The following BEND3 variants were observed in gnomAD, a reference collection of about 807,000 sequenced individuals.
The protein encoded by BEND3 is BEN domain containing 3, also known as BEN domain-containing protein 3.
In BEND3, 13 loss-of-function variants were observed where a neutral mutation model predicts 60.1. The observed-to-expected ratio is 0.22, with a 90% CI of 0.14 to 0.34. The LOEUF (loss-of-function observed/expected upper bound fraction) is 0.34, where lower values mean the gene tolerates loss of function less well. BEND3 is among the 10% of genes least tolerant of loss of function. The pLI, the probability that BEND3 is intolerant of heterozygous loss-of-function variation, is 1.00. For synonymous variants in BEND3, 497 were observed against 491.5 expected (o/e 1.01, Z -0.15); for missense variants, 896 against 1,138.1 (o/e 0.79, Z 3.06).
chr6:107,066,712 G>A lies in BEND3; in HGVS notation c.*1992C>T, dbSNP rs1774838572. 1 of 152,644 alleles carries A rather than the reference G, an allele frequency of 6.6e-6. No homozygotes were observed. The highest frequency in any genetic ancestry group is 2.4e-5 in the African/African-American group (1 of 41,432). 9.5% of individuals were successfully genotyped at this position (152,644 alleles called of 1,614,324 possible). On this transcript the variant is annotated 3_prime_UTR_variant, in exon 4 of 4. Transcript: ENST00000369042. Reference sequence around the variant, plus strand: ...TCCCGCCTCCAGCCCCCAACAACCAGCGGTGGGAAGGGGGAGGTGGTGGGA... The same window carrying A: ...TCCCGCCTCCAGCCCCCAACAACCAACGGTGGGAAGGGGGAGGTGGTGGGA...
At chr6:107,074,463 G>A (rs952109179) in intron 3 of BEND3, among the ~76,000 whole-genome samples, 15 of 152,212 alleles carry the variant, frequency 9.9e-5, no homozygotes, top group South Asian at 2.1e-4. Flanking sequence ...TTATTATTAC[G>A]TAATGCTATT....
chr6:107,082,028 T>A (rs1554233618), intron 3 of BEND3, among the ~76,000 whole-genome samples: 1 of 152,188 alleles, frequency 6.6e-6, no homozygotes. Context: ...ATAGCCACAA[T>A]ACTCCCTCCC....
intron 2 of BEND3, 75 bp downstream of exon 2, chr6:107,099,174 G>T: frequency 8.2e-7 from 1 of 1,214,472 alleles, no homozygotes; most frequent in Non-Finnish European, 1.2e-6. Context: ...GTATATTTTT[G>T]GACCATGTGA....
intron 3 of BEND3, among the ~76,000 whole-genome samples, chr6:107,075,966 T>C (rs182854010): frequency 1.3e-5 from 2 of 152,194 alleles, no homozygotes. Flanking sequence ...CCACCAAGCA[T>C]GTTAGAAACA....
intron 1 of BEND3, among the ~76,000 whole-genome samples, chr6:107,103,096 T>C (rs1554236904): frequency 6.6e-6 from 1 of 152,198 alleles, no homozygotes; most frequent in African/African-American, 2.4e-5. Context: ...TCTGCCTCCA[T>C]TAGCACTCTG....
At chr6:107,102,287 A>G (rs189774791) in intron 1 of BEND3, among the ~76,000 whole-genome samples, 180 of 152,280 alleles carry the variant, frequency 1.2e-3, no homozygotes, top group African/African-American at 4.2e-3. Flanking sequence ...CCTGCCGGGA[A>G]TGTGGCTTGG....
intron 3 of BEND3, among the ~76,000 whole-genome samples, chr6:107,076,786 A>G (rs553189287): frequency 1.7e-4 from 26 of 152,278 alleles, no homozygotes; most frequent in African/African-American, 6.0e-4. Flanking sequence ...AGTCGCATGA[A>G]TGATGCTTAT....
intron 3 of BEND3, among the ~76,000 whole-genome samples, chr6:107,072,375 G>A (rs1216844562): frequency 1.3e-5 from 2 of 152,216 alleles, no homozygotes; most frequent in Non-Finnish European, 2.9e-5. Flanking sequence ...CCTGGGTGCT[G>A]TGGCTGCTGT....
At position 107,115,383 on chromosome 6, in the gene BEND3, G is replaced by C. The variant is rs1329102287; in HGVS notation, c.-305C>G. ...CCACAACCCCTCCGCCCCCACCCCCGGCCCGCCCCTCCCCCTCAGCGGGGC... is the reference window on the plus strand; with the variant it reads ...CCACAACCCCTCCGCCCCCACCCCCCGCCCGCCCCTCCCCCTCAGCGGGGC... On this transcript the variant is annotated 5_prime_UTR_variant, in exon 1 of 4. Coordinates refer to ENST00000369042, the MANE Select transcript of BEND3 (RefSeq NM_001367314.1). 1 of 148,670 alleles carries C rather than the reference G, an allele frequency of 6.7e-6. No individual in the cohort carries two copies. Among genetic ancestry groups the C allele is most frequent in the Non-Finnish European group, 1.5e-5 (1 of 66,650 alleles). 9.2% of individuals were successfully genotyped at this position (148,670 alleles called of 1,614,324 possible).
chr6:107,085,510 G>T (rs553770518), intron 3 of BEND3, among the ~76,000 whole-genome samples: 30 of 148,816 alleles, frequency 2.0e-4, no homozygotes, highest in African/African-American at 6.4e-4. Context: ...ATTTTTTTTT[G>T]AGAGAGAGTC....
intron 3 of BEND3, among the ~76,000 whole-genome samples, chr6:107,084,915 C>T (rs756279469): frequency 6.6e-6 from 1 of 152,236 alleles, no homozygotes; most frequent in African/African-American, 2.4e-5. Flanking sequence ...CCCAAGCCAG[C>T]AGTGGCAACC....
intron 3 of BEND3, among the ~76,000 whole-genome samples, chr6:107,073,856 AGCCTGGGCAACAGAG>A (rs1413938038): frequency 3.9e-5 from 6 of 151,978 alleles, no homozygotes; most frequent in Non-Finnish European, 1.5e-5. Context: ...ACTGCACTCC[AGCCTGGGCAACAGAG>A]CAAGACCCTG....
rs782165754 is a variant in BEND3, at chr6:107,068,681, A to G, written c.*23T>C. ...ATCGCTCAGCCTCTGGTGACCCCGA[A>G]TCTCTGGGCAGGTCACGGGCCTTCA... On this transcript the variant is annotated 3_prime_UTR_variant, in exon 4 of 4. Coordinates refer to ENST00000369042, the MANE Select transcript of BEND3 (RefSeq NM_001367314.1). The surrounding 1 kb of genome is among the most constrained non-coding windows in gnomAD (Gnocchi z 5.8). The G allele has an allele frequency of 3.7e-6, 6 of 1,602,464 alleles. No individual in the cohort carries two copies. Among genetic ancestry groups the G allele is most frequent in the South Asian group, 1.1e-5 (1 of 88,890 alleles).
chr6:107,075,802 A>C (rs933394346), intron 3 of BEND3, among the ~76,000 whole-genome samples: 1 of 152,202 alleles, frequency 6.6e-6, no homozygotes, highest in Middle Eastern at 3.2e-3. Context: ...GAGTACAGGG[A>C]AAAGTTTCTG....
rs782352468 is a variant in BEND3 at position 107,070,904 on chromosome 6, T to C, written c.287A>G (p.Gln96Arg). The C allele has an allele frequency of 1.2e-6, 2 of 1,613,634 alleles. No individual in the cohort carries two copies. The highest frequency in any genetic ancestry group is 2.7e-5 in the African/African-American group (2 of 74,930). ...CCTGCCGGCCTGCTCACCATTGCCT[T>C]GGCAGGGCGAGCTGTTCTCACGGTT... ...MRNRENSSPCQGNGEQAGRGR... is the reference protein window; with the variant it reads ...MRNRENSSPCRGNGEQAGRGR... The change falls in exon 4 of 4, where the codon CAA becomes CGA. Residue 96 changes from glutamine to arginine, a missense_variant. Physicochemically the swap from Gln to Arg is conservative, Grantham distance 43. Coordinates refer to ENST00000369042, the MANE Select transcript of BEND3 (RefSeq NM_001367314.1). This position sits in a 1 kb window ranked among gnomAD's most constrained non-coding sequence, Gnocchi z 6.9.
intron 1 of BEND3, among the ~76,000 whole-genome samples, chr6:107,113,447 AAAAAAAC>A (rs1284769674): frequency 5.6e-5 from 8 of 143,152 alleles, no homozygotes; most frequent in South Asian, 2.3e-4. Context: ...CAAAAAAAAA[AAAAAAAC>A]AAAAAAAAAA....
chr6:107,092,920 A>C (rs1554235447), intron 3 of BEND3, among the ~76,000 whole-genome samples: 1 of 152,252 alleles, frequency 6.6e-6, no homozygotes, highest in East Asian at 1.9e-4. Context: ...AAACCTAACA[A>C]AATACATATG....
intron 1 of BEND3, among the ~76,000 whole-genome samples, chr6:107,110,866 A>G (rs1327132482): frequency 6.6e-6 from 1 of 151,360 alleles, no homozygotes; most frequent in South Asian, 2.1e-4. Flanking sequence ...TTTAAGTTTC[A>G]TTTTAAAAAT....
intron 1 of BEND3, among the ~76,000 whole-genome samples, chr6:107,102,360 G>T (rs1351187761): frequency 6.6e-6 from 1 of 152,120 alleles, no homozygotes; most frequent in African/African-American, 2.4e-5. Flanking sequence ...TTGGAAGGAG[G>T]CTATTTTCTG....
Sources: gnomAD v4.1 joint callset for allele counts (sites outside exome capture counted in the v4.1 genomes callset) on GRCh38, gnomAD v4.1.1 for gene constraint, Gnocchi (gnomAD v3.1) non-coding constraint, MANE v1.5 for transcripts, NCBI Gene and HGNC (gene_info 2026-07-23, HGNC 2026-07-21) for gene names.